ITFG1: variants seen among roughly 807,000 people sequenced by gnomAD.
The protein encoded by ITFG1 is integrin alpha FG-GAP repeat containing 1, also known as T-cell immunomodulatory protein.
A neutral mutation model predicts 81.8 loss-of-function variants in ITFG1; 34 were observed. That is an observed-to-expected ratio of 0.42 (90% CI 0.32 to 0.55). ITFG1 has a LOEUF of 0.55. ITFG1 is among the 20% of genes least tolerant of loss of function. ITFG1 has a pLI of 0.17. For missense variants in ITFG1, 672 were observed against 755.4 expected (o/e 0.89, Z 1.29); for synonymous variants, 285 against 270.6 (o/e 1.05, Z -0.52).
At chr16:47,292,131 A>C (rs1169097912) in intron 10 of ITFG1, among the ~76,000 whole-genome samples, 1 of 151,792 alleles carries the variant, frequency 6.6e-6, no homozygotes, top group East Asian at 1.9e-4. Context: ...CTCCTGCCTC[A>C]GCCTCCCAAG....
In ITFG1 at chr16:47,419,954, C is replaced by CT. The variant is rs75033874; in HGVS notation, c.655+8849dup. On this transcript the variant is annotated intron_variant, in intron 6 of 17. Transcript: ENST00000320640. ...TTTCACCTTTTTTTCTTTATCTTCT[C>CT]TTTTTTTTTTTTTTGGAGACCAGCT... 7.9e-3 allele frequency among the ~76,000 whole-genome samples: 1,111 copies of CT among 141,452 alleles called. 18 individuals are homozygous for CT. Among genetic ancestry groups the CT allele is most frequent in the Admixed American group, 0.035 (490 of 14,098 alleles). 92.8% of individuals were successfully genotyped at this position (141,452 alleles called of 152,430 possible). A position where few individuals can be genotyped will look rare whatever the true frequency, so the allele number is the denominator to read the frequency against.
intron 8 of ITFG1, among the ~76,000 whole-genome samples, chr16:47,349,615 A>G (rs1230570198): frequency 6.6e-6 from 1 of 152,186 alleles, no homozygotes; most frequent in East Asian, 1.9e-4. Context: ...ATAATGGGAG[A>G]CTTTAACACC....
chr16:47,230,160 G>A (rs962515554), intron 13 of ITFG1, among the ~76,000 whole-genome samples: 17 of 152,128 alleles, frequency 1.1e-4, no homozygotes, highest in African/African-American at 3.9e-4. Context: ...TGTATATATA[G>A]TGAGAAGAGA....
chr16:47,323,287 G>T (rs1053132422), intron 8 of ITFG1, among the ~76,000 whole-genome samples: 12 of 152,110 alleles, frequency 7.9e-5, no homozygotes, highest in Non-Finnish European at 1.5e-5. Context: ...AAGAACATGG[G>T]TTATCATGGG....
intron 12 of ITFG1, among the ~76,000 whole-genome samples, chr16:47,240,351 T>C (rs1965919624): frequency 6.7e-6 from 1 of 150,134 alleles, no homozygotes; most frequent in Non-Finnish European, 1.5e-5. Context: ...GCTGGATAAT[T>C]GGTTACTTGG....
chr16:47,300,046 C>G lies in ITFG1; in HGVS notation c.1070+11194G>C, dbSNP rs548438231. 122 of 152,336 alleles carry G rather than the reference C, an allele frequency of 8.0e-4. 1 individual carries two copies. Among genetic ancestry groups the G allele is most frequent in the African/African-American group, 2.8e-3 (116 of 41,546 alleles). 9.4% of individuals were successfully genotyped at this position (152,336 alleles called of 1,614,324 possible). A position where few individuals can be genotyped will look rare whatever the true frequency, so the allele number is the denominator to read the frequency against. On this transcript the variant is annotated intron_variant, in intron 10 of 17. Transcript: ENST00000320640. Reference sequence around the variant, plus strand: ...GTAGTTCCTTCTCATAGTCTCCTGGCTACTCCCTAAGTTAGATTCAGGACT... The same window carrying G: ...GTAGTTCCTTCTCATAGTCTCCTGGGTACTCCCTAAGTTAGATTCAGGACT...
chr16:47,178,624 T>G (rs1158688721), intron 14 of ITFG1, among the ~76,000 whole-genome samples: 1 of 152,178 alleles, frequency 6.6e-6, no homozygotes, highest in Non-Finnish European at 1.5e-5. Context: ...ATAAAAACCC[T>G]AGAAGAAAAC....
chr16:47,190,885 G>T (rs999873672), intron 14 of ITFG1, among the ~76,000 whole-genome samples: 1 of 152,282 alleles, frequency 6.6e-6, no homozygotes, highest in East Asian at 1.9e-4. Flanking sequence ...CTGGGGTTGG[G>T]GTTTGGTGGG....
At chr16:47,365,682 A>G (rs1968167518) in intron 8 of ITFG1, 106 bp downstream of exon 8, 1 of 667,838 alleles carries the variant, frequency 1.5e-6, no homozygotes, top group Non-Finnish European at 2.6e-6. Context: ...AGCTCTGAAG[A>G]CCCTGGAGTT....
Position 47,258,876 on chromosome 16 carries a change from T to C in ITFG1, c.1222-136A>G, listed in dbSNP as rs1966171889. ...ATTCATCCTCATGTTTAAAATAAAA[T>C]CGCTATTAAAAATAGGTAGTATATA... On this transcript the variant is annotated intron_variant, in intron 11 of 17. Coordinates refer to ENST00000320640, the MANE Select transcript of ITFG1 (RefSeq NM_030790.5). 11 of 486,208 alleles carry C rather than the reference T, an allele frequency of 2.3e-5. No homozygotes were observed. The East Asian group carries it at 3.6e-4, about 16-fold the overall frequency. 30.1% of individuals were successfully genotyped at this position (486,208 alleles called of 1,614,324 possible). A position where few individuals can be genotyped will look rare whatever the true frequency, so the allele number is the denominator to read the frequency against.
At chr16:47,335,798 A>G (rs1343543303) in intron 8 of ITFG1, among the ~76,000 whole-genome samples, 3 of 152,218 alleles carry the variant, frequency 2.0e-5, no homozygotes, top group African/African-American at 7.2e-5. Flanking sequence ...ATGGATAGCC[A>G]CTTTGGAAAC....
intron 5 of ITFG1, among the ~76,000 whole-genome samples, chr16:47,439,944 T>C (rs181170905): frequency 5.0e-4 from 76 of 152,178 alleles, no homozygotes; most frequent in African/African-American, 1.8e-3. Context: ...GAAACTCATC[T>C]CACGTGCAGA....
intron 2 of ITFG1, among the ~76,000 whole-genome samples, chr16:47,457,603 G>A (rs1969470309): frequency 6.6e-6 from 1 of 151,914 alleles, no homozygotes; most frequent in African/African-American, 2.4e-5. Flanking sequence ...GAGAAACAGG[G>A]GTGTGGGGGA....
intron 5 of ITFG1, among the ~76,000 whole-genome samples, chr16:47,442,426 A>T (rs1204467560): frequency 1.3e-5 from 2 of 152,180 alleles, no homozygotes; most frequent in African/African-American, 4.8e-5. Context: ...GAACCAAAAA[A>T]GAGCCCGCAT....
At chr16:47,348,408 C>T (rs548201954) in intron 8 of ITFG1, among the ~76,000 whole-genome samples, 1 of 152,022 alleles carries the variant, frequency 6.6e-6, no homozygotes, top group African/African-American at 2.4e-5. Context: ...AACTACGTGA[C>T]AAATGCATAA....
At chr16:47,290,457 C>A (rs1010832464) in intron 10 of ITFG1, among the ~76,000 whole-genome samples, 5 of 152,108 alleles carry the variant, frequency 3.3e-5, no homozygotes, top group Admixed American at 6.6e-5. Flanking sequence ...CCCTTTAGAT[C>A]TAAGAATATT....
intron 10 of ITFG1, among the ~76,000 whole-genome samples, chr16:47,296,166 G>T (rs576497482): frequency 6.6e-6 from 1 of 151,532 alleles, no homozygotes; most frequent in African/African-American, 2.4e-5. Context: ...GAACTCCTTG[G>T]CTCAAGGGAT....
intron 2 of ITFG1, among the ~76,000 whole-genome samples, chr16:47,454,566 T>C (rs1279100028): frequency 1.3e-5 from 2 of 152,168 alleles, no homozygotes; most frequent in Non-Finnish European, 2.9e-5. Context: ...ATATTATTTA[T>C]AAAATATTTA....
intron 14 of ITFG1, among the ~76,000 whole-genome samples, chr16:47,164,849 C>A (rs1406860006): frequency 6.6e-6 from 1 of 152,232 alleles, no homozygotes; most frequent in African/African-American, 2.4e-5. Context: ...TGTGAAGCCG[C>A]TGGCTTTCCA....
Sources: gnomAD v4.1 joint callset for allele counts (sites outside exome capture counted in the v4.1 genomes callset) on GRCh38, gnomAD v4.1.1 for gene constraint, MANE v1.5 for transcripts, NCBI Gene and HGNC (gene_info 2026-07-23, HGNC 2026-07-21) for gene names.